TMEM131: variants seen among roughly 807,000 people sequenced by gnomAD.
TMEM131 encodes the protein 2610524E03Rik.
Under a neutral mutation model 211.6 loss-of-function variants are expected in TMEM131, and 66 were observed. The ratio of observed to expected loss-of-function variants is 0.31; its 90% CI spans 0.26 to 0.38. The LOEUF is 0.38. Among genes scored for constraint, TMEM131 ranks in the 10% least tolerant of loss-of-function variants. TMEM131 has a pLI of 1.00. For missense variants in TMEM131, 2,036 were observed against 2,299.3 expected (o/e 0.89, Z 2.34); for synonymous variants, 844 against 841.3 (o/e 1.00, Z -0.06).
intron 4 of TMEM131, among the ~76,000 whole-genome samples, chr2:97,879,549 A>G (rs1222397405): frequency 6.6e-6 from 1 of 152,160 alleles, no homozygotes; most frequent in Non-Finnish European, 1.5e-5. Context: ...GAATGTCCTT[A>G]TACAGTTGAC....
rs1678707877 is a variant in TMEM131 at position 97,959,244 on chromosome 2, G to A, written c.188-31757C>T. 2.0e-5 allele frequency among the ~76,000 whole-genome samples: 3 copies of A among 152,098 alleles called. No individual in the cohort carries two copies. The South Asian group carries it at 6.2e-4, about 32-fold the overall frequency. On this transcript the variant is annotated intron_variant, in intron 1 of 40. Transcript: ENST00000186436. ...AGACACAAACTGAGGTTACAAGAAG[G>A]GAGAAATAGAAGGAGCTGACGCTGG...
intron 12 of TMEM131, among the ~76,000 whole-genome samples, chr2:97,816,070 G>C (rs991000127): frequency 1.3e-5 from 2 of 152,184 alleles, no homozygotes; most frequent in African/African-American, 4.8e-5. Context: ...GCTGGGTGCA[G>C]TGCCTCACAT....
At chr2:97,945,949 C>T (rs1388937733) in intron 1 of TMEM131, among the ~76,000 whole-genome samples, 1 of 152,058 alleles carries the variant, frequency 6.6e-6, no homozygotes, top group Non-Finnish European at 1.5e-5. Context: ...TTACTGTAGC[C>T]ACAGATTAAA....
Position 97,809,645 on chromosome 2 carries a change from C to CA in TMEM131, c.2055+42dup, listed in dbSNP as rs3214761. 4,539 of 1,465,426 alleles carry CA rather than the reference C, an allele frequency of 3.1e-3. 96 individuals are homozygous for CA. The East Asian group carries it at 0.056, about 18-fold the overall frequency. 90.8% of individuals were successfully genotyped at this position (1,465,426 alleles called of 1,614,324 possible). On this transcript the variant is annotated intron_variant, in intron 19 of 40. Transcript: ENST00000186436. The stretch of plus-strand genomic sequence containing the variant: ...AGGAACACAGAGCTAAAGGCAAAGG[C>CA]AAAAAACGAGCAATAGAAAAATGTG...
chr2:97,811,138 G>T lies in TMEM131; in HGVS notation c.1958C>A (p.Thr653Lys), dbSNP rs762273267. 1.9e-6 allele frequency: 3 copies of T among 1,613,048 alleles called. No individual in the cohort carries two copies. The highest frequency in any genetic ancestry group is 2.5e-6 in the Non-Finnish European group (3 of 1,179,108). ...CCATAAAGTCCTTACCTCATAGTCT[G>T]TTGTGATCTGGATGGCTCCATCATG... The part of the protein sequence containing the change: ...GIHDGAIQIT[T>K]DYEILTIPVK... The change falls in exon 18 of 41, where the codon ACA becomes AAA. Residue 653 changes from threonine to lysine, a missense_variant. Coordinates refer to ENST00000186436, the MANE Select transcript of TMEM131 (RefSeq NM_015348.2).
At chr2:97,803,105 T>C (rs1681111839) in intron 22 of TMEM131, among the ~76,000 whole-genome samples, 1 of 152,128 alleles carries the variant, frequency 6.6e-6, no homozygotes, top group Non-Finnish European at 1.5e-5. Context: ...AAGTATAAAT[T>C]CAGTAAGAAA....
chr2:97,842,438 A>G lies in TMEM131; in HGVS notation c.601-501T>C, dbSNP rs1295394264. Among the ~76,000 whole-genome samples the G allele has an allele frequency of 2.6e-5, 4 of 152,298 alleles. No homozygotes were observed. The East Asian group carries it at 7.7e-4, about 29-fold the overall frequency. ...ATACAATAGTGAACAATTCAACAGT[A>G]AAAAAACAGATAATGTGCTGGGTCT... is the stretch of plus-strand genomic sequence containing the variant. On this transcript the variant is annotated intron_variant, in intron 6 of 40. Coordinates refer to ENST00000186436, the MANE Select transcript of TMEM131 (RefSeq NM_015348.2).
At chr2:97,937,437 C>G (rs1427393628) in intron 1 of TMEM131, among the ~76,000 whole-genome samples, 1 of 151,876 alleles carries the variant, frequency 6.6e-6, no homozygotes, top group South Asian at 2.1e-4. Flanking sequence ...ACCATCTGTA[C>G]AACAGGAGTC....
chr2:97,762,528 G>A, intron 35 of TMEM131: 2 of 237,708 alleles, frequency 8.4e-6, no homozygotes, highest in Non-Finnish European at 1.7e-5. Context: ...CGCTGCCTGG[G>A]GACCTGGAAA....
chr2:97,759,617 G>A, intron 39 of TMEM131, 35 bp downstream of exon 39: 1 of 1,525,436 alleles, frequency 6.6e-7, no homozygotes, highest in Non-Finnish European at 9.0e-7. Flanking sequence ...CTGTCCACAG[G>A]CTTATTAGTT....
intron 4 of TMEM131, among the ~76,000 whole-genome samples, chr2:97,862,593 T>C (rs1437382685): frequency 6.6e-6 from 1 of 152,050 alleles, no homozygotes; most frequent in African/African-American, 2.4e-5. Flanking sequence ...ACTGACATAC[T>C]GAAGACTGCA....
intron 15 of TMEM131, 85 bp downstream of exon 15, chr2:97,813,886 G>A (rs1043529694): frequency 7.3e-6 from 8 of 1,094,582 alleles, no homozygotes; most frequent in African/African-American, 6.4e-5. Context: ...ATGGCAAACC[G>A]TATGTAACAC....
chr2:97,793,527 G>T lies in TMEM131; in HGVS notation c.3413C>A (p.Thr1138Lys). 5 of 1,613,460 alleles carry T rather than the reference G, an allele frequency of 3.1e-6. No homozygotes were observed. Among genetic ancestry groups the T allele is most frequent in the Non-Finnish European group, 3.4e-6 (4 of 1,179,640 alleles). The part of the protein sequence containing the change: ...MSALFLLVIG[T>K]AYLEAQGIWE... ...TATTCCTTGAGCTTCCAAATAGGCT[G>T]TTCCAATGACCAAAAGAAACAGTGC... The change falls in exon 30 of 41, where the codon ACA becomes AAA. Residue 1138 changes from threonine to lysine, a missense_variant. Thr to Lys is a moderately conservative substitution (Grantham distance 78). Coordinates refer to ENST00000186436, the MANE Select transcript of TMEM131 (RefSeq NM_015348.2).
chr2:97,812,361 C>T (rs554566512), intron 17 of TMEM131, 60 bp downstream of exon 17: 7 of 1,527,854 alleles, frequency 4.6e-6, no homozygotes, highest in Admixed American at 2.1e-5. Flanking sequence ...TAGCAATGAT[C>T]TTCCACTTGC....
chr2:97,803,377 C>T (rs1346896837), intron 22 of TMEM131, among the ~76,000 whole-genome samples: 2 of 152,144 alleles, frequency 1.3e-5, no homozygotes, highest in East Asian at 1.9e-4. Context: ...GTAAAACCTA[C>T]GAGGGTTTTG....
chr2:97,796,610 C>G (rs575880768), intron 27 of TMEM131, among the ~76,000 whole-genome samples: 2 of 152,322 alleles, frequency 1.3e-5, no homozygotes, highest in Admixed American at 6.5e-5. Context: ...GACTATACTT[C>G]ACATTTCATA....
chr2:97,894,998 G>T (rs566013062), intron 3 of TMEM131, among the ~76,000 whole-genome samples: 1 of 152,104 alleles, frequency 6.6e-6, no homozygotes, highest in Non-Finnish European at 1.5e-5. Context: ...CTTGATAGTC[G>T]CTGTTGGTTT....
intron 1 of TMEM131, among the ~76,000 whole-genome samples, chr2:97,991,260 A>G (rs1177961696): frequency 1.3e-5 from 2 of 152,220 alleles, no homozygotes; most frequent in Non-Finnish European, 2.9e-5. Flanking sequence ...CTAACAAGGC[A>G]GTACACAATT....
chr2:97,991,913 AG>A (rs934110502), intron 1 of TMEM131, among the ~76,000 whole-genome samples: 10 of 152,202 alleles, frequency 6.6e-5, no homozygotes, highest in African/African-American at 2.4e-4. Flanking sequence ...GATGTCTATG[AG>A]GGTCCACTGT....
Sources: gnomAD v4.1 joint callset for allele counts (sites outside exome capture counted in the v4.1 genomes callset) on GRCh38, gnomAD v4.1.1 for gene constraint, MANE v1.5 for transcripts, NCBI Gene and HGNC (gene_info 2026-07-23, HGNC 2026-07-21) for gene names.